Variants in CEP128 observed in about 807,000 individuals in gnomAD.
CEP128 encodes centrosomal protein 128kDa.
In CEP128, 132 loss-of-function variants were observed where a neutral mutation model predicts 156.7. That is an observed-to-expected ratio of 0.84 (90% CI 0.73 to 0.97). The LOEUF is 0.97. Among genes scored for constraint, CEP128 ranks in the 50% least tolerant of loss-of-function variants. The probability of loss-of-function intolerance (pLI) is 0.00; values close to 1 mark genes in which losing one functional copy is unlikely to be tolerated. For synonymous variants in CEP128, 469 were observed against 448.9 expected, an observed-to-expected ratio of 1.04 and a Z score of -0.57; for missense variants, 1,252 against 1,281.9, an observed-to-expected ratio of 0.98 and a Z score of 0.36.
At chr14:80,955,367 A>G in intron 2 of CEP128, 2 of 449,896 alleles carry the variant, frequency 4.4e-6, no homozygotes, top group Non-Finnish European at 8.1e-6. Context: ...GGCGGGCTGG[A>G]AAACAGAGGG....
chr14:80,532,594 T>C (rs990839145), intron 21 of CEP128, among the ~76,000 whole-genome samples: 2 of 152,302 alleles, frequency 1.3e-5, no homozygotes, highest in Middle Eastern at 3.4e-3. Context: ...ACTTTCAATG[T>C]ACCCATCCAC....
At chr14:80,873,817 T>C (rs1442661029) in intron 8 of CEP128, among the ~76,000 whole-genome samples, 2 of 152,096 alleles carry the variant, frequency 1.3e-5, no homozygotes, top group Admixed American at 6.6e-5. Context: ...ATTTTTAACA[T>C]CACGAATATT....
chr14:80,559,059 T>G (rs1890558882), intron 21 of CEP128, among the ~76,000 whole-genome samples: 1 of 152,236 alleles, frequency 6.6e-6, no homozygotes, highest in Admixed American at 6.5e-5. Context: ...CTGAGAGATG[T>G]GACCACTTAA....
chr14:80,501,962 C>A (rs1005953153), intron 24 of CEP128, among the ~76,000 whole-genome samples: 1 of 152,090 alleles, frequency 6.6e-6, no homozygotes, highest in East Asian at 1.9e-4. Context: ...ATTTTCCTGG[C>A]GAAAACCCAA....
intron 19 of CEP128, among the ~76,000 whole-genome samples, chr14:80,741,853 C>T (rs1257737751): frequency 2.0e-5 from 3 of 151,416 alleles, no homozygotes; most frequent in African/African-American, 4.8e-5. Context: ...CTATGTGTAC[C>T]ATTATAAAAA....
chr14:80,794,254 G>T (rs1275417194), intron 13 of CEP128, among the ~76,000 whole-genome samples: 1 of 152,166 alleles, frequency 6.6e-6, no homozygotes. Flanking sequence ...CAGATTCTAT[G>T]ATCTATGGCT....
intron 19 of CEP128, among the ~76,000 whole-genome samples, chr14:80,692,198 T>C (rs1196501922): frequency 2.0e-5 from 3 of 152,158 alleles, no homozygotes; most frequent in African/African-American, 7.2e-5. Flanking sequence ...CTGAAAAGAA[T>C]AATAAAATAT....
intron 19 of CEP128, among the ~76,000 whole-genome samples, chr14:80,674,532 GATTA>G (rs1019082033): frequency 4.6e-5 from 7 of 152,006 alleles, no homozygotes; most frequent in Admixed American, 6.6e-5. Context: ...ATGTGTAAGG[GATTA>G]ATTTTCTTCT....
At chr14:80,680,044 T>C (rs1156347483) in intron 19 of CEP128, among the ~76,000 whole-genome samples, 1 of 152,226 alleles carries the variant, frequency 6.6e-6, no homozygotes, top group African/African-American at 2.4e-5. Flanking sequence ...GCATGCATTT[T>C]AGTCTTGAGC....
At chr14:80,892,469 A>C (rs1688100965) in intron 8 of CEP128, among the ~76,000 whole-genome samples, 1 of 151,988 alleles carries the variant, frequency 6.6e-6, no homozygotes, top group African/African-American at 2.4e-5. Context: ...ATAGTGGAAA[A>C]TCTCCTGGAC....
chr14:80,782,001 G>C (rs1037271606), intron 15 of CEP128, among the ~76,000 whole-genome samples: 2 of 152,162 alleles, frequency 1.3e-5, no homozygotes, highest in African/African-American at 2.4e-5. Context: ...AAAACTGCAA[G>C]CTTCTTAAAA....
intron 19 of CEP128, among the ~76,000 whole-genome samples, chr14:80,734,218 T>C (rs765561279): frequency 1.2e-4 from 19 of 152,152 alleles, no homozygotes; most frequent in African/African-American, 2.4e-5. Flanking sequence ...AGACACAGTG[T>C]CGATGGCCAA....
chr14:80,625,960 T>A (rs1178774592), intron 19 of CEP128, among the ~76,000 whole-genome samples: 3 of 152,158 alleles, frequency 2.0e-5, no homozygotes, highest in Non-Finnish European at 4.4e-5. Flanking sequence ...TGAGCCTGTA[T>A]TACTCTTTAA....
intron 19 of CEP128, among the ~76,000 whole-genome samples, chr14:80,708,965 C>T (rs1409602909): frequency 6.6e-6 from 1 of 151,570 alleles, no homozygotes; most frequent in Non-Finnish European, 1.5e-5. Context: ...AGTATTTGGG[C>T]CTATTTGGGG....
chr14:80,796,252 A>G (rs1883467212), intron 13 of CEP128, among the ~76,000 whole-genome samples: 2 of 152,184 alleles, frequency 1.3e-5, no homozygotes, highest in Admixed American at 6.5e-5. Context: ...TGAGCCCAGG[A>G]GTTCGAGATT....
rs186522854 is a variant in CEP128, at chr14:80,818,309, G to A, written c.1209+12834C>T. Among the ~76,000 whole-genome samples, 68 of 152,242 alleles carry A rather than the reference G, an allele frequency of 4.5e-4. No homozygotes were observed. The Middle Eastern group carries it at 0.024, about 53-fold the overall frequency. On this transcript the variant is annotated intron_variant, in intron 13 of 24. Coordinates refer to ENST00000555265, the MANE Select transcript of CEP128 (RefSeq NM_152446.5). Reference sequence around the variant, plus strand: ...GGTAGGATTACAGGCACAAGCCACCGTGCCCAGTCTACTAAATTCTTATAT... The same window carrying A: ...GGTAGGATTACAGGCACAAGCCACCATGCCCAGTCTACTAAATTCTTATAT...
chr14:80,850,529 C>T (rs1886839098), intron 9 of CEP128, among the ~76,000 whole-genome samples: 1 of 152,100 alleles, frequency 6.6e-6, no homozygotes. Context: ...ATTGCCCTCA[C>T]AAACATTCAG....
At chr14:80,786,285 C>A (rs1901401354) in intron 14 of CEP128, among the ~76,000 whole-genome samples, 4 of 152,202 alleles carry the variant, frequency 2.6e-5, no homozygotes, top group African/African-American at 9.6e-5. Context: ...AAATAATGGG[C>A]AGCCAAGGGA....
intron 19 of CEP128, among the ~76,000 whole-genome samples, chr14:80,656,971 G>A (rs1159014787): frequency 6.6e-6 from 1 of 152,164 alleles, no homozygotes; most frequent in Non-Finnish European, 1.5e-5. Flanking sequence ...AAAAATGGTG[G>A]CATGGTGGCC....
Sources: gnomAD v4.1 joint callset for allele counts (sites outside exome capture counted in the v4.1 genomes callset) on GRCh38, gnomAD v4.1.1 for gene constraint, MANE v1.5 for transcripts, NCBI Gene and HGNC (gene_info 2026-07-23, HGNC 2026-07-21) for gene names.